STK39: variants seen among roughly 807,000 people sequenced by gnomAD.
STK39 encodes serine/threonine kinase 39.
A neutral mutation model predicts 77.8 loss-of-function variants in STK39; 20 were observed. The observed-to-expected ratio is 0.26, with a 90% confidence interval of 0.18 to 0.37. The LOEUF (loss-of-function observed/expected upper bound fraction) is 0.37. Ranked by LOEUF, STK39 falls within the 10% of genes least tolerant of loss-of-function variation. The pLI is 1.00. For missense variants in STK39, 479 were observed against 656.5 expected (o/e 0.73, Z 2.95); for synonymous variants, 246 against 234.1 (o/e 1.05, Z -0.47).
chr2:168,115,351 A>G (rs765538652), intron 10 of STK39, among the ~76,000 whole-genome samples: 3 of 152,220 alleles, frequency 2.0e-5, no homozygotes, highest in Admixed American at 6.5e-5. Context: ...CCTGAGACTC[A>G]GGCTGGGATT....
intron 2 of STK39, among the ~76,000 whole-genome samples, chr2:168,174,054 T>C (rs144689672): frequency 6.6e-6 from 1 of 151,762 alleles, no homozygotes; most frequent in East Asian, 1.9e-4. Context: ...TTTAACCAAG[T>C]ATAGTCCAAT....
chr2:168,067,647 C>T (rs972667828), intron 12 of STK39, among the ~76,000 whole-genome samples: 17 of 152,132 alleles, frequency 1.1e-4, no homozygotes, highest in Admixed American at 6.5e-4. Context: ...TGACAACGAA[C>T]TGCATTCCTC....
chr2:168,072,962 T>C (rs1021492978), intron 12 of STK39, among the ~76,000 whole-genome samples: 1 of 152,214 alleles, frequency 6.6e-6, no homozygotes, highest in Admixed American at 6.5e-5. Context: ...TGCAAACACA[T>C]GTATCCTTTC....
At chr2:168,080,256 G>A in intron 10 of STK39, among the ~76,000 whole-genome samples, 1 of 152,130 alleles carries the variant, frequency 6.6e-6, no homozygotes, top group East Asian at 1.9e-4. Context: ...GAGGTGACTT[G>A]GGTGCTGTTA....
At chr2:168,150,658 C>T (rs972203249) in intron 5 of STK39, among the ~76,000 whole-genome samples, 1 of 151,430 alleles carries the variant, frequency 6.6e-6, no homozygotes, top group Admixed American at 6.6e-5. Context: ...CAGGTTGGTG[C>T]AAAGGTAATT....
intron 1 of STK39, among the ~76,000 whole-genome samples, chr2:168,239,229 T>C (rs912558629): frequency 6.6e-6 from 1 of 152,176 alleles, no homozygotes. Context: ...GTGAGTGTTA[T>C]ATATAAATAC....
chr2:168,196,525 G>A (rs748711306), intron 1 of STK39, among the ~76,000 whole-genome samples: 3 of 152,092 alleles, frequency 2.0e-5, no homozygotes, highest in African/African-American at 2.4e-5. Flanking sequence ...TTAGCAGGGC[G>A]GATGCCTGTA....
intron 10 of STK39, among the ~76,000 whole-genome samples, chr2:168,099,970 A>C (rs945582006): frequency 1.3e-5 from 2 of 152,232 alleles, no homozygotes; most frequent in African/African-American, 4.8e-5. Flanking sequence ...GCCTATTTCA[A>C]GTGGAACAAT....
intron 2 of STK39, among the ~76,000 whole-genome samples, chr2:168,172,752 T>C (rs1207131077): frequency 6.7e-6 from 1 of 148,886 alleles, no homozygotes; most frequent in Non-Finnish European, 1.5e-5. Flanking sequence ...ATGTAAATCC[T>C]AAATAAATTA....
chr2:168,247,470 CG>C lies in STK39; in HGVS notation c.-36del. Reference sequence around the variant, plus strand: ...GAGGAGAGCAGGAGGACGCGCCGGCCGACGGACGACCTTCCACTTGAAACTT... The same window carrying C: ...GAGGAGAGCAGGAGGACGCGCCGGCCACGGACGACCTTCCACTTGAAACTT... On this transcript the variant is annotated 5_prime_UTR_variant, in exon 1 of 18. Transcript: ENST00000355999. The C allele has an allele frequency of 1.5e-6, 2 of 1,299,534 alleles. No homozygotes were observed. Among genetic ancestry groups the C allele is most frequent in the Non-Finnish European group, 2.0e-6 (2 of 1,008,996 alleles). The allele number at this position is 1,299,534 out of a possible 1,614,324, so 80.5% of individuals were successfully genotyped here.
At chr2:168,194,593 T>C (rs181438070) in intron 1 of STK39, among the ~76,000 whole-genome samples, 183 of 152,322 alleles carry the variant, frequency 1.2e-3, no homozygotes, top group African/African-American at 4.3e-3. Flanking sequence ...ACAAAAGGCA[T>C]AATTAAATTT....
At chr2:168,156,678 G>A (rs1200324699) in intron 5 of STK39, among the ~76,000 whole-genome samples, 1 of 152,164 alleles carries the variant, frequency 6.6e-6, no homozygotes, top group Non-Finnish European at 1.5e-5. Flanking sequence ...TTACACAAAC[G>A]TGCAAAATGA....
At chr2:167,976,898 T>C (rs1429998241) in intron 16 of STK39, among the ~76,000 whole-genome samples, 1 of 152,220 alleles carries the variant, frequency 6.6e-6, no homozygotes, top group Non-Finnish European at 1.5e-5. Flanking sequence ...TGCAATGCTG[T>C]GGCCTTTATT....
At chr2:168,247,072 A>T (rs1469371150) in intron 1 of STK39, among the ~76,000 whole-genome samples, 156 bp downstream of exon 1, 35 of 136,700 alleles carry the variant, frequency 2.6e-4, no homozygotes, top group South Asian at 4.7e-4. Flanking sequence ...AAAAAAAAAA[A>T]AAAAAAAAAA....
intron 1 of STK39, among the ~76,000 whole-genome samples, chr2:168,223,059 T>C (rs897922298): frequency 6.6e-6 from 1 of 152,176 alleles, no homozygotes; most frequent in South Asian, 2.1e-4. Flanking sequence ...TGGTCCAGAT[T>C]TGGTGCTGAA....
At chr2:168,247,064 A>AT (rs1558896615) in intron 1 of STK39, among the ~76,000 whole-genome samples, 164 bp downstream of exon 1, 3 of 120,058 alleles carry the variant, frequency 2.5e-5, no homozygotes, top group Non-Finnish European at 4.9e-5. Flanking sequence ...TAAAAATTAA[A>AT]AAAAAAAAAA....
At chr2:168,023,268 T>A (rs899065880) in intron 14 of STK39, among the ~76,000 whole-genome samples, 7 of 152,004 alleles carry the variant, frequency 4.6e-5, no homozygotes, top group Non-Finnish European at 8.8e-5. Flanking sequence ...AAACTTTTTT[T>A]TTTTTTTTTG....
intron 10 of STK39, among the ~76,000 whole-genome samples, chr2:168,110,736 G>C (rs1687100492): frequency 1.3e-5 from 2 of 152,022 alleles, no homozygotes; most frequent in Admixed American, 6.6e-5. Context: ...ATGTTTTATT[G>C]AGTTACACTG....
At chr2:168,180,118 G>T (rs1267441026) in intron 2 of STK39, among the ~76,000 whole-genome samples, 1 of 152,156 alleles carries the variant, frequency 6.6e-6, no homozygotes, top group African/African-American at 2.4e-5. Flanking sequence ...AGGCCGAGGC[G>T]GACAGATCAC....
Sources: allele counts gnomAD v4.1 joint callset (sites outside exome capture counted in the v4.1 genomes callset), GRCh38; gene constraint gnomAD v4.1.1; transcripts MANE v1.5; gene names NCBI Gene and HGNC (gene_info 2026-07-23, HGNC 2026-07-21).